The following LNPEP variants were observed in gnomAD, a reference collection of about 807,000 sequenced individuals.
LNPEP encodes leucyl and cystinyl aminopeptidase, also known as leucyl-cystinyl aminopeptidase.
Under a neutral mutation model 120.6 loss-of-function variants are expected in LNPEP, and 64 were observed. The ratio of observed to expected loss-of-function variants is 0.53; its 90% confidence interval spans 0.43 to 0.65. The LOEUF is 0.65. LNPEP is among the 30% of genes least tolerant of loss of function. The pLI, the probability that LNPEP is intolerant of heterozygous loss-of-function variation, is 0.00. For missense variants in LNPEP, 1,057 were observed against 1,200.0 expected (o/e 0.88, Z 1.76); for synonymous variants, 435 against 425.4 (o/e 1.02, Z -0.28).
chr5:96,946,655 T>A (rs1240119353), intron 1 of LNPEP, among the ~76,000 whole-genome samples: 1 of 152,218 alleles, frequency 6.6e-6, no homozygotes, highest in Non-Finnish European at 1.5e-5. Flanking sequence ...CATAACTAAT[T>A]TTTTAAGTTG....
At chr5:97,006,049 T>C (rs754413462) in intron 9 of LNPEP, 24 bp from the exon 10 acceptor site, 24 of 750,430 alleles carry the variant, frequency 3.2e-5, no homozygotes, top group South Asian at 1.4e-4. Context: ...AAAAGTTTTA[T>C]ATATATATAT....
In LNPEP at chr5:97,029,662, C is replaced by T. The variant is rs1369661457; in HGVS notation, c.*1129C>T. On this transcript the variant is annotated 3_prime_UTR_variant, in exon 18 of 18. Coordinates refer to ENST00000231368, the MANE Select transcript of LNPEP (RefSeq NM_005575.3). The stretch of plus-strand genomic sequence containing the variant: ...ATGTGGGATAGGAGTAACTTGAATT[C>T]GTGTTTAGTATGGTGGGCTTTGAAT... 6.6e-6 allele frequency: 1 copy of T among 152,086 alleles called. No individual in the cohort carries two copies. The highest frequency in any genetic ancestry group is 1.9e-4 in the East Asian group (1 of 5,196). 9.4% of individuals were successfully genotyped at this position (152,086 alleles called of 1,614,324 possible).
chr5:96,939,597 A>G (rs923769767), intron 1 of LNPEP, among the ~76,000 whole-genome samples: 7 of 151,280 alleles, frequency 4.6e-5, no homozygotes, highest in Non-Finnish European at 7.4e-5. Context: ...AACTGAAAAC[A>G]TAAATAGTTT....
At chr5:96,963,489 T>G (rs1789654481) in intron 1 of LNPEP, among the ~76,000 whole-genome samples, 1 of 152,188 alleles carries the variant, frequency 6.6e-6, no homozygotes, top group African/African-American at 2.4e-5. Context: ...ATGATGGCTT[T>G]TGACTGGGTT....
Position 97,006,407 on chromosome 5 carries a change from C to G in LNPEP, c.1947-20C>G, listed in dbSNP as rs1242459343. On this transcript the variant is annotated intron_variant, in intron 10 of 17. Coordinates refer to ENST00000231368, the MANE Select transcript of LNPEP (RefSeq NM_005575.3). Reference sequence around the variant, plus strand: ...AAAAAAATCATATGTAACTAATTTTCCAATGTTTTCTCTTTACAGCTACCT... The same window carrying G: ...AAAAAAATCATATGTAACTAATTTTGCAATGTTTTCTCTTTACAGCTACCT... 1 of 1,457,104 alleles carries G rather than the reference C, an allele frequency of 6.9e-7. No individual in the cohort carries two copies. Among genetic ancestry groups the G allele is most frequent in the Admixed American group, 2.1e-5 (1 of 48,562 alleles). The allele number at this position is 1,457,104 out of a possible 1,614,324, so 90.3% of individuals were successfully genotyped here.
chr5:97,016,186 G>A (rs1461120096), intron 13 of LNPEP, among the ~76,000 whole-genome samples: 2 of 152,034 alleles, frequency 1.3e-5, no homozygotes, highest in Non-Finnish European at 2.9e-5. Flanking sequence ...ATTTTCTGAG[G>A]TCTCTTCTAA....
intron 1 of LNPEP, among the ~76,000 whole-genome samples, chr5:96,941,415 A>G (rs548083188): frequency 6.6e-6 from 1 of 152,280 alleles, no homozygotes; most frequent in African/African-American, 2.4e-5. Flanking sequence ...AGCTGATACT[A>G]CTAGGCCTTT....
chr5:97,015,001 A>G lies in LNPEP; in HGVS notation c.2282A>G (p.His761Arg), dbSNP rs765565950. 2 of 1,605,058 alleles carry G rather than the reference A, an allele frequency of 1.2e-6. No individual in the cohort carries two copies. Among genetic ancestry groups the G allele is most frequent in the South Asian group, 1.1e-5 (1 of 88,746 alleles). Residue 761 changes from histidine to arginine, a missense_variant, in exon 13 of 18, where the codon CAT (histidine) becomes CGT (arginine). Physicochemically the swap from His to Arg is conservative, Grantham distance 29. Coordinates refer to ENST00000231368, the MANE Select transcript of LNPEP (RefSeq NM_005575.3). ...ATTAATTATCTTGGAAATGAGAACCATACTGCACCCATCACCGAAGCCCTG... is the reference window on the plus strand; with the variant it reads ...ATTAATTATCTTGGAAATGAGAACCGTACTGCACCCATCACCGAAGCCCTG... ...DLINYLGNEN[H>R]TAPITEALFQ...
intron 2 of LNPEP, among the ~76,000 whole-genome samples, chr5:96,981,381 C>T (rs761531784): frequency 2.6e-5 from 4 of 152,070 alleles, no homozygotes; most frequent in Non-Finnish European, 5.9e-5. Context: ...CAGAGTTTCA[C>T]GTACTAATTT....
At chr5:96,987,514 C>G (rs560971677) in intron 4 of LNPEP, among the ~76,000 whole-genome samples, 1 of 152,212 alleles carries the variant, frequency 6.6e-6, no homozygotes, top group African/African-American at 2.4e-5. Flanking sequence ...TCACAGGATA[C>G]TTGGATCTTA....
At chr5:96,976,419 T>G (rs776781494) in intron 1 of LNPEP, among the ~76,000 whole-genome samples, 8 of 152,258 alleles carry the variant, frequency 5.3e-5, no homozygotes, top group South Asian at 4.1e-4. Context: ...TGTCAGAAGA[T>G]TTGAAATTAA....
intron 1 of LNPEP, among the ~76,000 whole-genome samples, chr5:96,947,886 A>T (rs1461069935): frequency 6.6e-6 from 1 of 152,174 alleles, no homozygotes; most frequent in Non-Finnish European, 1.5e-5. Flanking sequence ...ATAGGATTCA[A>T]ATCTACCTAA....
At chr5:97,005,152 TG>T (rs2112644698) in intron 9 of LNPEP, among the ~76,000 whole-genome samples, 1 of 152,328 alleles carries the variant, frequency 6.6e-6, no homozygotes, top group Admixed American at 6.5e-5. Flanking sequence ...TGGGAAGATT[TG>T]CTCCATCCTT....
At chr5:96,939,693 T>TA (rs1789008398) in intron 1 of LNPEP, among the ~76,000 whole-genome samples, 1 of 152,118 alleles carries the variant, frequency 6.6e-6, no homozygotes, top group African/African-American at 2.4e-5. Context: ...TTAGTTGTCT[T>TA]AAAAAATTAT....
chr5:96,984,184 T>C (rs780829270), intron 2 of LNPEP, among the ~76,000 whole-genome samples: 2 of 152,214 alleles, frequency 1.3e-5, no homozygotes, highest in Non-Finnish European at 2.9e-5. Flanking sequence ...TTTATTTCTA[T>C]AACCAGTTAT....
At chr5:96,963,021 A>G (rs1339740333) in intron 1 of LNPEP, among the ~76,000 whole-genome samples, 2 of 152,160 alleles carry the variant, frequency 1.3e-5, no homozygotes, top group African/African-American at 4.8e-5. Context: ...AGGAGTTTTT[A>G]TATAAAGAAT....
At chr5:96,963,920 C>T (rs2112584804) in intron 1 of LNPEP, among the ~76,000 whole-genome samples, 1 of 152,138 alleles carries the variant, frequency 6.6e-6, no homozygotes, top group South Asian at 2.1e-4. Flanking sequence ...CTATTCTAGC[C>T]ATTTTGTAAT....
At position 97,033,785 on chromosome 5, in the gene LNPEP, A is replaced by C. The variant is rs1268794433; in HGVS notation, c.*5252A>C. ...TTTGTATATGTATGTACATATTTTT[A>C]TTTCTTTATTATAGTGTTTCATTGG... On this transcript the variant is annotated 3_prime_UTR_variant, in exon 18 of 18. Transcript: ENST00000231368. The C allele has an allele frequency of 1.3e-5, 2 of 151,596 alleles. No individual in the cohort carries two copies. Among genetic ancestry groups the C allele is most frequent in the Admixed American group, 6.6e-5 (1 of 15,210 alleles). The allele number at this position is 151,596 out of a possible 1,614,324, so 9.4% of individuals were successfully genotyped here.
rs186867587 is a variant in LNPEP at position 96,959,418 on chromosome 5, T to C, written c.20-19720T>C. ...TTAATATAACTACCTCTGTATTTTG[T>C]TGTAGTCTTTTGTGGGTAGAGTTGA... On this transcript the variant is annotated intron_variant, in intron 1 of 17. Coordinates refer to ENST00000231368, the MANE Select transcript of LNPEP (RefSeq NM_005575.3). Among the ~76,000 whole-genome samples the C allele has an allele frequency of 2.5e-3, 386 of 152,286 alleles. 6 individuals carry two copies. The highest frequency in any genetic ancestry group is 0.022 in the Admixed American group (334 of 15,290).
Sources: gnomAD v4.1 joint callset for allele counts (sites outside exome capture counted in the v4.1 genomes callset) on GRCh38, gnomAD v4.1.1 for gene constraint, MANE v1.5 for transcripts, NCBI Gene and HGNC (gene_info 2026-07-23, HGNC 2026-07-21) for gene names.